The following NSD1 variants were observed in gnomAD, a reference collection of about 807,000 sequenced individuals.
NSD1 encodes histone-lysine N-methyltransferase, H3 lysine-36 specific.
A neutral mutation model predicts 242.7 loss-of-function variants in NSD1; 26 were observed. The observed-to-expected ratio is 0.11, with a 90% CI of 0.08 to 0.15. The LOEUF (loss-of-function observed/expected upper bound fraction) is 0.15, where lower values mean the gene tolerates loss of function less well. Ranked by LOEUF, NSD1 falls within the 10% of genes least tolerant of loss-of-function variation. The probability of loss-of-function intolerance (pLI) is 1.00; values close to 1 mark genes in which losing one functional copy is unlikely to be tolerated. For synonymous variants in NSD1, 1,106 were observed against 1,178.1 expected, an observed-to-expected ratio of 0.94 and a Z score of 1.25; for missense variants, 2,495 against 3,272.8, an observed-to-expected ratio of 0.76 and a Z score of 5.80.
At chr5:177,204,946 T>C (rs1339397272) in intron 4 of NSD1, among the ~76,000 whole-genome samples, 2 of 152,200 alleles carry the variant, frequency 1.3e-5, no homozygotes. Flanking sequence ...CTTTTATGCA[T>C]GATGAAAGTA....
At chr5:177,171,350 C>G (rs749298946) in intron 2 of NSD1, among the ~76,000 whole-genome samples, 28 of 152,042 alleles carry the variant, frequency 1.8e-4, no homozygotes, top group Non-Finnish European at 2.8e-4. Context: ...TACCATCCTC[C>G]TACACCTTAA....
Position 177,210,212 on chromosome 5 carries a change from G to C in NSD1, c.1813G>C (p.Glu605Gln), listed in dbSNP as rs971996804. 1.3e-6 allele frequency: 2 copies of C among 1,596,538 alleles called. No homozygotes were observed. The highest frequency in any genetic ancestry group is 1.7e-6 in the Non-Finnish European group (2 of 1,172,174). Reference sequence around the variant, plus strand: ...TGCTTTGATCTCAAAGTGTTCTCGAGAGAAGAATAAACCCCAACGAAGCCT... The same window carrying C: ...TGCTTTGATCTCAAAGTGTTCTCGACAGAAGAATAAACCCCAACGAAGCCT... ...EGALISKCSR[E>Q]KNKPQRSLVC... Residue 605 changes from glutamate (E) to glutamine (Q), a missense_variant, in exon 5 of 23, where the codon GAG (glutamate) becomes CAG (glutamine). Physicochemically the swap from Glu to Gln is conservative, Grantham distance 29. This residue lies in a region of NSD1 where 515 missense variants were observed against 467.0 expected (regional missense o/e 1.10). Transcript: ENST00000439151.
At chr5:177,264,759 C>A in intron 14 of NSD1, 3 of 731,034 alleles carry the variant, frequency 4.1e-6, no homozygotes, top group East Asian at 2.6e-5. Flanking sequence ...TCCTGTAATT[C>A]GCCAAAATGA....
Position 177,248,213 on chromosome 5 carries a change from C to T in NSD1, c.4530C>T (p.Ser1510=), listed in dbSNP as rs372574420. 40 of 1,613,998 alleles carry T rather than the reference C, an allele frequency of 2.5e-5. No homozygotes were observed. The highest frequency in any genetic ancestry group is 3.3e-5 in the Non-Finnish European group (39 of 1,180,028). Residue 1510 remains serine (S), a synonymous_variant, in exon 11 of 23, where the codon AGC becomes AGT. Coordinates refer to ENST00000439151, the MANE Select transcript of NSD1 (RefSeq NM_022455.5). The stretch of plus-strand genomic sequence containing the variant: ...TAATGCCTCACAGGACGGCCACAAG[C>T]CCCAAGGAGACTGTTGAGGAAGGTG... ...GELMPHRTAT[S]PKETVEEGVE...
At chr5:177,151,174 C>A (rs183515200) in intron 2 of NSD1, among the ~76,000 whole-genome samples, 1 of 152,232 alleles carries the variant, frequency 6.6e-6, no homozygotes, top group Admixed American at 6.5e-5. Flanking sequence ...AGCCAGGAGT[C>A]GAGACCAGCC....
At chr5:177,236,040 C>T in intron 6 of NSD1, 95 bp downstream of exon 6, 1 of 1,375,148 alleles carries the variant, frequency 7.3e-7, no homozygotes, top group Non-Finnish European at 1.0e-6. Flanking sequence ...ACAATAATTT[C>T]CTTAACTGAG....
At chr5:177,179,669 G>C (rs1760497542) in intron 2 of NSD1, among the ~76,000 whole-genome samples, 1 of 152,196 alleles carries the variant, frequency 6.6e-6, no homozygotes, top group African/African-American at 2.4e-5. Flanking sequence ...GCTCTCATGA[G>C]CACTATCTCA....
At chr5:177,279,057 A>T (rs940587015) in intron 17 of NSD1, among the ~76,000 whole-genome samples, 4 of 152,184 alleles carry the variant, frequency 2.6e-5, no homozygotes, top group Non-Finnish European at 5.9e-5. Flanking sequence ...GTCCTTTTAA[A>T]AGATTTTAAA....
intron 2 of NSD1, among the ~76,000 whole-genome samples, chr5:177,138,193 A>C (rs1562102613): frequency 6.6e-6 from 1 of 152,184 alleles, no homozygotes; most frequent in African/African-American, 2.4e-5. Context: ...TAAATGTAGA[A>C]GTTTTTTTTT....
intron 12 of NSD1, among the ~76,000 whole-genome samples, chr5:177,255,990 T>A (rs1756418864): frequency 6.6e-6 from 1 of 152,224 alleles, no homozygotes; most frequent in Non-Finnish European, 1.5e-5. Context: ...TTTCTCCCTA[T>A]ATTTCAAAAG....
intron 2 of NSD1, among the ~76,000 whole-genome samples, chr5:177,189,038 G>C (rs969195196): frequency 1.3e-5 from 2 of 151,910 alleles, no homozygotes; most frequent in African/African-American, 2.4e-5. Context: ...GTGAGAACCT[G>C]TCTCAAAAAA....
At chr5:177,279,783 AT>A (rs1181079422) in intron 17 of NSD1, among the ~76,000 whole-genome samples, 2 of 149,852 alleles carry the variant, frequency 1.3e-5, no homozygotes, top group South Asian at 2.1e-4. Flanking sequence ...CGCCTGGCTA[AT>A]TTTTTTGTAT....
At chr5:177,193,651 T>C (rs1031836001) in intron 3 of NSD1, among the ~76,000 whole-genome samples, 3 of 152,176 alleles carry the variant, frequency 2.0e-5, no homozygotes, top group South Asian at 2.1e-4. Context: ...ATATGTATTT[T>C]AGTTTCTGAA....
chr5:177,194,184 A>G (rs906152353), intron 3 of NSD1, among the ~76,000 whole-genome samples: 4 of 152,080 alleles, frequency 2.6e-5, no homozygotes, highest in Non-Finnish European at 5.9e-5. Flanking sequence ...TTCCTTTATC[A>G]CAAACAGAAC....
At chr5:177,252,613 G>A (rs1333620196) in intron 12 of NSD1, among the ~76,000 whole-genome samples, 3 of 131,596 alleles carry the variant, frequency 2.3e-5, no homozygotes, top group African/African-American at 8.6e-5. Context: ...GTACAGTGGC[G>A]TGATCATAGC....
chr5:177,239,614 A>G, intron 7 of NSD1, 142 bp from the exon 8 acceptor site: 8 of 595,244 alleles, frequency 1.3e-5, no homozygotes, highest in Non-Finnish European at 2.1e-5. Context: ...TAATAAGCAA[A>G]TTACCATCCT....
At chr5:177,249,620 G>A (rs554220909) in intron 11 of NSD1, among the ~76,000 whole-genome samples, 2 of 152,072 alleles carry the variant, frequency 1.3e-5, no homozygotes, top group South Asian at 2.1e-4. Context: ...CCTGAGTACC[G>A]GGACTATAGG....
intron 2 of NSD1, among the ~76,000 whole-genome samples, chr5:177,190,981 CTT>C (rs1182246710): frequency 4.9e-4 from 35 of 71,180 alleles, no homozygotes; most frequent in South Asian, 1.1e-3. Flanking sequence ...TTTTTTTTTT[CTT>C]TTTTTTTTTT....
At position 177,175,476 on chromosome 5, in the gene NSD1, A is replaced by T. The variant is rs112773526; in HGVS notation, c.928-16408A>T. Among the ~76,000 whole-genome samples the T allele has an allele frequency of 8.0e-4, 121 of 152,062 alleles. 2 individuals carry two copies. The highest frequency in any genetic ancestry group is 7.2e-3 in the East Asian group (37 of 5,162). On this transcript the variant is annotated intron_variant, in intron 2 of 22. Transcript: ENST00000439151. ...CCTCATCTCTAAAAAAAAAAATTTTAAATTTAGCCAGGCTGGTGGCATGTG... is the reference window on the plus strand; with the variant it reads ...CCTCATCTCTAAAAAAAAAAATTTTTAATTTAGCCAGGCTGGTGGCATGTG...
Sources: gnomAD v4.1 joint callset for allele counts (sites outside exome capture counted in the v4.1 genomes callset) on GRCh38, gnomAD v4.1.1 for gene constraint, gnomAD v4.1.1 regional missense constraint, MANE v1.5 for transcripts, NCBI Gene and HGNC (gene_info 2026-07-23, HGNC 2026-07-21) for gene names.